Variants in CLDN8 observed in about 807,000 individuals in gnomAD.
CLDN8 encodes claudin 8.
CLDN8 carries 2 observed loss-of-function variants against 2.2 expected under a neutral mutation model. The observed-to-expected ratio is 0.90, with a 90% confidence interval of 0.37 to 2.82. The LOEUF (loss-of-function observed/expected upper bound fraction) is 2.82. Among genes scored for constraint, CLDN8 ranks in the 30% most tolerant of loss-of-function variants. The probability of loss-of-function intolerance (pLI) is 0.10; values close to 1 mark genes in which losing one functional copy is unlikely to be tolerated. For synonymous variants in CLDN8, 107 were observed against 104.8 expected, an observed-to-expected ratio of 1.02 and a Z score of -0.13; for missense variants, 314 against 280.5, an observed-to-expected ratio of 1.12 and a Z score of -0.85.
Position 30,215,771 on chromosome 21 carries a change from A to T in CLDN8, c.155T>A (p.Met52Lys), listed in dbSNP as rs763946058. ...VFENFWEGLWMNCVRQANIRM... is the reference protein window; with the variant it reads ...VFENFWEGLWKNCVRQANIRM... ...GATGTTAGCCTGCCTCACGCAATTC[A>T]TCCACAGTCCTTCCCAGAAGTTTTC... Residue 52 changes from methionine to lysine, a missense_variant, in exon 1 of 1, where the codon ATG becomes AAG. Met to Lys is a moderately conservative substitution (Grantham distance 95). Transcript: ENST00000399899. 1.1e-5 allele frequency: 18 copies of T among 1,614,052 alleles called. No individual in the cohort carries two copies. The highest frequency in any genetic ancestry group is 1.4e-5 in the Non-Finnish European group (16 of 1,180,008).
rs757114600 is a variant in CLDN8, at chr21:30,215,358, C to T, written c.568G>A (p.Glu190Lys). 9 of 1,614,122 alleles carry T rather than the reference C, an allele frequency of 5.6e-6. No homozygotes were observed. The East Asian group carries it at 1.6e-4, about 28-fold the overall frequency. The change falls in exon 1 of 1, where the codon GAA (glutamate) becomes AAA (lysine). Residue 190 changes from glutamate to lysine, a missense_variant. By Grantham distance (56) the Glu-to-Lys change is moderately conservative. Transcript: ENST00000399899. ...GAGTATCTGTAGCTACTGCTCTTTTCGTTGCAACAAAAAACGCAGCAGAAC... is the reference window on the plus strand; with the variant it reads ...GAGTATCTGTAGCTACTGCTCTTTTTGTTGCAACAAAAAACGCAGCAGAAC... ...ALFCCVFCCN[E>K]KSSSYRYSIP...
rs1185929024 is a variant in CLDN8 at position 30,214,264 on chromosome 21, C to A, written c.*984G>T. On this transcript the variant is annotated 3_prime_UTR_variant, in exon 1 of 1. Transcript: ENST00000399899. ...TACCCACATAGGAGCAGGTGAAGTT[C>A]TCAAAGGACAACTTTTTTTGTTGTT... 2 of 152,084 alleles carry A rather than the reference C, an allele frequency of 1.3e-5. No homozygotes were observed. Among genetic ancestry groups the A allele is most frequent in the African/African-American group, 4.8e-5 (2 of 41,446 alleles). The allele number at this position is 152,084 out of a possible 1,614,324, so 9.4% of individuals were successfully genotyped here.
rs1400546339 is a variant in CLDN8 at position 30,214,299 on chromosome 21, G to A, written c.*949C>T. On this transcript the variant is annotated 3_prime_UTR_variant, in exon 1 of 1. Coordinates refer to ENST00000399899, the MANE Select transcript of CLDN8 (RefSeq NM_199328.3). ...AACTTTTTTTGTTGTTGTTTTTTTG[G>A]TAAGCAAATGAAAACCAAGACATAT... 5 of 152,028 alleles carry A rather than the reference G, an allele frequency of 3.3e-5. No individual in the cohort carries two copies. The East Asian group carries it at 9.7e-4, about 29-fold the overall frequency. 9.4% of individuals were successfully genotyped at this position (152,028 alleles called of 1,614,324 possible).
rs1339674778 is a variant in CLDN8, at chr21:30,215,484, A to T, written c.442T>A (p.Phe148Ile). The change falls in exon 1 of 1, where the codon TTC becomes ATC. Residue 148 changes from phenylalanine to isoleucine, a missense_variant. Transcript: ENST00000399899. ...SWVANAIIRD[F>I]YNSIVNVAQK... is the part of the protein sequence containing the mutation. Reference sequence around the variant, plus strand: ...GCAACATTCACTATTGAGTTATAGAAATCTCTGATGATGGCATTGGCAACC... The same window carrying T: ...GCAACATTCACTATTGAGTTATAGATATCTCTGATGATGGCATTGGCAACC... 1.2e-6 allele frequency: 2 copies of T among 1,614,052 alleles called. No homozygotes were observed. The highest frequency in any genetic ancestry group is 2.2e-5 in the South Asian group (2 of 91,078).
rs1282622264 is a variant in CLDN8, at chr21:30,214,331, G to C, written c.*917C>G. Reference sequence around the variant, plus strand: ...AATGAAAACCAAGACATATTTTTCTGCTCTTTTATTTATATTGATGAAACC... The same window carrying C: ...AATGAAAACCAAGACATATTTTTCTCCTCTTTTATTTATATTGATGAAACC... On this transcript the variant is annotated 3_prime_UTR_variant, in exon 1 of 1. Transcript: ENST00000399899. 1 of 151,902 alleles carries C rather than the reference G, an allele frequency of 6.6e-6. No individual in the cohort carries two copies. Among genetic ancestry groups the C allele is most frequent in the African/African-American group, 2.4e-5 (1 of 41,374 alleles). The allele number at this position is 151,902 out of a possible 1,614,324, so 9.4% of individuals were successfully genotyped here. A position where few individuals can be genotyped will look rare whatever the true frequency, so the allele number is the denominator to read the frequency against.
Position 30,215,664 on chromosome 21 carries a change from A to C in CLDN8, c.262T>G (p.Ser88Ala), listed in dbSNP as rs1686509198. The change falls in exon 1 of 1, where the codon TCC becomes GCC. Residue 88 changes from serine (S) to alanine (A), a missense_variant. By Grantham distance (99) the Ser-to-Ala change is moderately conservative. Transcript: ENST00000399899. ...ATGAAAGCCAAGAAGGACATCACGG[A>C]AGCAGCACACATCAGTCCTCTGGCT... ...QAARGLMCAA[S>A]VMSFLAFMMA... 1.9e-6 allele frequency: 3 copies of C among 1,614,136 alleles called. No homozygotes were observed. Among genetic ancestry groups the C allele is most frequent in the Non-Finnish European group, 2.5e-6 (3 of 1,180,014 alleles).
rs574288165 is a variant in CLDN8 at position 30,214,581 on chromosome 21, T to C, written c.*667A>G. On this transcript the variant is annotated 3_prime_UTR_variant, in exon 1 of 1. Coordinates refer to ENST00000399899, the MANE Select transcript of CLDN8 (RefSeq NM_199328.3). Reference sequence around the variant, plus strand: ...AATATCTGCTTTTTAAAAATGTTAATTTAATACACAAGAAAAAAAAAGCCT... The same window carrying C: ...AATATCTGCTTTTTAAAAATGTTAACTTAATACACAAGAAAAAAAAAGCCT... The C allele has an allele frequency of 6.6e-6, 1 of 152,250 alleles. No individual in the cohort carries two copies. Among genetic ancestry groups the C allele is most frequent in the South Asian group, 2.1e-4 (1 of 4,824 alleles). The allele number at this position is 152,250 out of a possible 1,614,324, so 9.4% of individuals were successfully genotyped here. A position where few individuals can be genotyped will look rare whatever the true frequency, so the allele number is the denominator to read the frequency against.
Position 30,214,964 on chromosome 21 carries a change from C to A in CLDN8, c.*284G>T, listed in dbSNP as rs1200968408. Reference sequence around the variant, plus strand: ...AATTACAGTAGTAAAATAATGCAGTCTTTAGCAATGTCATTTTGAAGTAAA... The same window carrying A: ...AATTACAGTAGTAAAATAATGCAGTATTTAGCAATGTCATTTTGAAGTAAA... On this transcript the variant is annotated 3_prime_UTR_variant, in exon 1 of 1. Transcript: ENST00000399899. 6 of 369,808 alleles carry A rather than the reference C, an allele frequency of 1.6e-5. No individual in the cohort carries two copies. The highest frequency in any genetic ancestry group is 1.3e-4 in the Admixed American group (3 of 23,460). The allele number at this position is 369,808 out of a possible 1,614,324, so 22.9% of individuals were successfully genotyped here.
At position 30,215,693 on chromosome 21, in the gene CLDN8, T is replaced by A. The variant is rs747333331; in HGVS notation, c.233A>T (p.Gln78Leu). The A allele has an allele frequency of 2.5e-6, 4 of 1,614,146 alleles. No individual in the cohort carries two copies. The East Asian group carries it at 8.9e-5, about 36-fold the overall frequency. Residue 78 changes from glutamine to leucine, a missense_variant, in exon 1 of 1, where the codon CAG becomes CTG. Transcript: ENST00000399899. ...DSLLALSPDL[Q>L]AARGLMCAAS... ...AGCACACATCAGTCCTCTGGCTGCC[T>A]GTAGGTCCGGAGAAAGAGCCAGCAG...
In CLDN8 at chr21:30,214,800, C is replaced by T. The variant is rs1459385586; in HGVS notation, c.*448G>A. 1 of 155,554 alleles carries T rather than the reference C, an allele frequency of 6.4e-6. No homozygotes were observed. Among genetic ancestry groups the T allele is most frequent in the Non-Finnish European group, 1.4e-5 (1 of 69,994 alleles). 9.6% of individuals were successfully genotyped at this position (155,554 alleles called of 1,614,324 possible). ...CCTTCTTCAACCCTATCCATGATTT[C>T]CCTGAAAAGCAATAGTTGAGTTCTA... On this transcript the variant is annotated 3_prime_UTR_variant, in exon 1 of 1. Transcript: ENST00000399899.
chr21:30,215,987 G>C lies in CLDN8; in HGVS notation c.-62C>G, dbSNP rs1557295. On this transcript the variant is annotated 5_prime_UTR_variant, in exon 1 of 1. Coordinates refer to ENST00000399899, the MANE Select transcript of CLDN8 (RefSeq NM_199328.3). ...GAACTGCTACTTCTGCTTTGAAGCAGGGTTCTCTGTGCCACAGAAGAGAAC... is the reference window on the plus strand; with the variant it reads ...GAACTGCTACTTCTGCTTTGAAGCACGGTTCTCTGTGCCACAGAAGAGAAC... The C allele has an allele frequency of 4.9e-6, 7 of 1,437,392 alleles. No individual in the cohort carries two copies. In the East Asian group the frequency reaches 1.6e-4, roughly 33 times the overall value. 89.0% of individuals were successfully genotyped at this position (1,437,392 alleles called of 1,614,324 possible).
In CLDN8 at chr21:30,215,321, T is replaced by C. The variant is rs1254727142; in HGVS notation, c.605A>G (p.His202Arg). ...SSSYRYSIPSHRTTQKSYHTG... is the reference protein window; with the variant it reads ...SSSYRYSIPSRRTTQKSYHTG... Reference sequence around the variant, plus strand: ...GTGATAACTTTTTTGGGTTGTGCGATGGGAAGGTATCGAGTATCTGTAGCT... The same window carrying C: ...GTGATAACTTTTTTGGGTTGTGCGACGGGAAGGTATCGAGTATCTGTAGCT... The change falls in exon 1 of 1, where the codon CAT (histidine) becomes CGT (arginine). Residue 202 changes from histidine (H) to arginine (R), a missense_variant. Coordinates refer to ENST00000399899, the MANE Select transcript of CLDN8 (RefSeq NM_199328.3). 1.1e-5 allele frequency: 17 copies of C among 1,614,062 alleles called. No homozygotes were observed. The highest frequency in any genetic ancestry group is 1.4e-5 in the Non-Finnish European group (17 of 1,180,026).
chr21:30,215,063 G>A lies in CLDN8; in HGVS notation c.*185C>T, dbSNP rs1978906098. 3.5e-6 allele frequency: 2 copies of A among 578,812 alleles called. No homozygotes were observed. Among genetic ancestry groups the A allele is most frequent in the Admixed American group, 6.2e-5 (2 of 32,264 alleles). The allele number at this position is 578,812 out of a possible 1,614,324, so 35.9% of individuals were successfully genotyped here. On this transcript the variant is annotated 3_prime_UTR_variant, in exon 1 of 1. Coordinates refer to ENST00000399899, the MANE Select transcript of CLDN8 (RefSeq NM_199328.3). ...ACTTTCTAGAACAATCAAAGCATTG[G>A]GTTTAATATCTCATTCTGCTGAAAT...
Position 30,215,364 on chromosome 21 carries a change from A to C in CLDN8, c.562T>G (p.Cys188Gly). The C allele has an allele frequency of 6.2e-7, 1 of 1,614,164 alleles. No individual in the cohort carries two copies. The highest frequency in any genetic ancestry group is 1.7e-5 in the Admixed American group (1 of 60,024). The change falls in exon 1 of 1, where the codon TGC becomes GGC. Residue 188 changes from cysteine to glycine, a missense_variant. Physicochemically the swap from Cys to Gly is radical, Grantham distance 159. Transcript: ENST00000399899. ...CTGTAGCTACTGCTCTTTTCGTTGC[A>C]ACAAAAAACGCAGCAGAACAGAGCT... Reference protein sequence around the residue: ...GGALFCCVFCCNEKSSSYRYS... With the variant: ...GGALFCCVFCGNEKSSSYRYS...
In CLDN8 at chr21:30,215,319, G is replaced by C. The variant is rs367879638; in HGVS notation, c.607C>G (p.Arg203Gly). 1.1e-5 allele frequency: 18 copies of C among 1,614,012 alleles called. No individual in the cohort carries two copies. The highest frequency in any genetic ancestry group is 1.4e-5 in the Non-Finnish European group (17 of 1,180,020). Residue 203 changes from arginine (R) to glycine (G), a missense_variant, in exon 1 of 1, where the codon CGC becomes GGC. Coordinates refer to ENST00000399899, the MANE Select transcript of CLDN8 (RefSeq NM_199328.3). ...SSYRYSIPSH[R>G]TTQKSYHTGK... is the part of the protein sequence containing the mutation. ...GTGTGATAACTTTTTTGGGTTGTGC[G>C]ATGGGAAGGTATCGAGTATCTGTAG... is the stretch of plus-strand genomic sequence containing the variant.
At position 30,214,281 on chromosome 21, in the gene CLDN8, TTTG is replaced by T. The variant is rs1427658032; in HGVS notation, c.*964_*966del. ...GTGAAGTTCTCAAAGGACAACTTTT[TTTG>T]TTGTTGTTTTTTTGGTAAGCAAATG... On this transcript the variant is annotated 3_prime_UTR_variant, in exon 1 of 1. Transcript: ENST00000399899. The T allele has an allele frequency of 3.9e-5, 6 of 152,076 alleles. No individual in the cohort carries two copies. The highest frequency in any genetic ancestry group is 8.8e-5 in the Non-Finnish European group (6 of 67,958). The allele number at this position is 152,076 out of a possible 1,614,324, so 9.4% of individuals were successfully genotyped here.
chr21:30,214,959 G>T lies in CLDN8; in HGVS notation c.*289C>A. On this transcript the variant is annotated 3_prime_UTR_variant, in exon 1 of 1. Transcript: ENST00000399899. ...GGAGAAATTACAGTAGTAAAATAATGCAGTCTTTAGCAATGTCATTTTGAA... is the reference window on the plus strand; with the variant it reads ...GGAGAAATTACAGTAGTAAAATAATTCAGTCTTTAGCAATGTCATTTTGAA... The T allele has an allele frequency of 2.9e-6, 1 of 343,960 alleles. No individual in the cohort carries two copies. The highest frequency in any genetic ancestry group is 5.4e-6 in the Non-Finnish European group (1 of 186,058). The allele number at this position is 343,960 out of a possible 1,614,324, so 21.3% of individuals were successfully genotyped here.
Position 30,215,216 on chromosome 21 carries a change from G to A in CLDN8, c.*32C>T, listed in dbSNP as rs1248241005. On this transcript the variant is annotated 3_prime_UTR_variant, in exon 1 of 1. Transcript: ENST00000399899. ...AATATAGATTTTTGTCATTTGCATGGCTTTATAGTAAAGTTAAAAAAACAT... is the reference window on the plus strand; with the variant it reads ...AATATAGATTTTTGTCATTTGCATGACTTTATAGTAAAGTTAAAAAAACAT... 1 of 1,581,914 alleles carries A rather than the reference G, an allele frequency of 6.3e-7. No homozygotes were observed. Among genetic ancestry groups the A allele is most frequent in the African/African-American group, 1.4e-5 (1 of 74,018 alleles).
rs770295035 is a variant in CLDN8, at chr21:30,215,804, A to G, written c.122T>C (p.Val41Ala). The stretch of plus-strand genomic sequence containing the variant: ...TCCTTCCCAGAAGTTTTCAAAAACC[A>G]CGATGTTGTTTTCAATGAAGGCCGA... ...RVSAFIENNI[V>A]VFENFWEGLW... Residue 41 changes from valine (V) to alanine (A), a missense_variant, in exon 1 of 1, where the codon GTG becomes GCG. By Grantham distance (64) the Val-to-Ala change is moderately conservative. Coordinates refer to ENST00000399899, the MANE Select transcript of CLDN8 (RefSeq NM_199328.3). 4 of 1,614,070 alleles carry G rather than the reference A, an allele frequency of 2.5e-6. No homozygotes were observed. In the South Asian group the frequency reaches 3.3e-5, roughly 13 times the overall value.
Sources: allele counts gnomAD v4.1 joint callset, GRCh38; gene constraint gnomAD v4.1.1; transcripts MANE v1.5; gene names NCBI Gene and HGNC (gene_info 2026-07-23, HGNC 2026-07-21).